The following SAMSN1 variants were observed in gnomAD, a reference collection of about 807,000 sequenced individuals.
SAMSN1 encodes the protein SAM domain-containing protein SAMSN-1.
A neutral mutation model predicts 42.0 loss-of-function variants in SAMSN1; 31 were observed. The observed-to-expected ratio is 0.74, with a 90% CI of 0.55 to 1.00. The LOEUF is 1.00. Ranked by LOEUF, SAMSN1 falls within the 50% of genes least tolerant of loss-of-function variation. SAMSN1 has a pLI of 0.00. For synonymous variants in SAMSN1, 178 were observed against 151.9 expected, an observed-to-expected ratio of 1.17 and a Z score of -1.26; for missense variants, 464 against 439.4, an observed-to-expected ratio of 1.06 and a Z score of -0.50.
At chr21:14,513,867 A>G (rs1301844852) in intron 3 of SAMSN1, among the ~76,000 whole-genome samples, 1 of 152,176 alleles carries the variant, frequency 6.6e-6, no homozygotes, top group Non-Finnish European at 1.5e-5. Flanking sequence ...TAGTGTGAGA[A>G]AGGAGAATAT....
At chr21:14,503,455 G>A (rs1987263583) in intron 5 of SAMSN1, among the ~76,000 whole-genome samples, 1 of 152,146 alleles carries the variant, frequency 6.6e-6, no homozygotes, top group South Asian at 2.1e-4. Flanking sequence ...CCTCAGGTGA[G>A]ATCACAGCTT....
rs376366569 is a variant in SAMSN1 at position 14,486,270 on chromosome 21, CAA to C, written c.920-158_920-157del. Among the ~76,000 whole-genome samples, 26 of 152,232 alleles carry C rather than the reference CAA, an allele frequency of 1.7e-4. No homozygotes were observed. The East Asian group carries it at 3.9e-3, about 23-fold the overall frequency. ...AAGTAAAAGGTATCTTTGTTTATTA[CAA>C]AAGAGATATTTGCACCCAAATATTC... is the stretch of plus-strand genomic sequence containing the variant. On this transcript the variant is annotated intron_variant, in intron 7 of 7. Transcript: ENST00000400566.
rs1411402942 is a variant in SAMSN1 at position 14,485,280 on chromosome 21, TAAAATATTTACACTTAAAGAC to T, written c.*611_*631del. ...ATTAACATTAGGGTATGTCAAATTT[TAAAATATTTACACTTAAAGAC>T]AAAACATTTCCACAATTATTACAAT... On this transcript the variant is annotated 3_prime_UTR_variant, in exon 8 of 8. Transcript: ENST00000400566. 1 of 152,258 alleles carries T rather than the reference TAAAATATTTACACTTAAAGAC, an allele frequency of 6.6e-6. No individual in the cohort carries two copies. Among genetic ancestry groups the T allele is most frequent in the African/African-American group, 2.4e-5 (1 of 41,462 alleles). 9.4% of individuals were successfully genotyped at this position (152,258 alleles called of 1,614,324 possible). A position where few individuals can be genotyped will look rare whatever the true frequency, so the allele number is the denominator to read the frequency against.
At chr21:14,595,345 C>T (rs1982227466) in intron 6 of SAMSN1, among the ~76,000 whole-genome samples, 2 of 152,194 alleles carry the variant, frequency 1.3e-5, no homozygotes, top group South Asian at 4.1e-4. Context: ...TGCCTTGCTC[C>T]CTTTTTGAAG....
At position 14,543,905 on chromosome 21, in the gene SAMSN1, C is replaced by T. The variant is rs139425807; in HGVS notation, c.57+2300G>A. ...GTTAATCAGTGAAGACAGTGATTCC[C>T]TATATTTCAGACCAATTTCTTGATG... On this transcript the variant is annotated intron_variant, in intron 1 of 7. Transcript: ENST00000400566. Among the ~76,000 whole-genome samples, 460 of 152,298 alleles carry T rather than the reference C, an allele frequency of 3.0e-3. 2 individuals carry two copies. Among genetic ancestry groups the T allele is most frequent in the African/African-American group, 9.7e-3 (404 of 41,578 alleles).
At chr21:14,592,154 T>C (rs192642582) in intron 7 of SAMSN1, 2 of 152,328 alleles carry the variant, frequency 1.3e-5, no homozygotes, top group African/African-American at 4.8e-5. Context: ...ACTTCCTGCG[T>C]AATATCCTCT....
At chr21:14,654,705 C>T in intron 1 of SAMSN1, among the ~76,000 whole-genome samples, 1 of 151,932 alleles carries the variant, frequency 6.6e-6, no homozygotes, top group Admixed American at 6.6e-5. Context: ...ACCAATAGTT[C>T]AGTGTCTAGA....
chr21:14,622,677 C>T (rs1317738954), intron 2 of SAMSN1, among the ~76,000 whole-genome samples: 1 of 152,124 alleles, frequency 6.6e-6, no homozygotes, highest in Non-Finnish European at 1.5e-5. Context: ...GAGAATGGAA[C>T]CAAGTTGGAA....
chr21:14,628,416 A>G (rs1363204318), intron 2 of SAMSN1, among the ~76,000 whole-genome samples: 1 of 152,180 alleles, frequency 6.6e-6, no homozygotes, highest in African/African-American at 2.4e-5. Flanking sequence ...TGTCAACTAA[A>G]ATATGAAATA....
chr21:14,496,012 A>G (rs1291844512), intron 7 of SAMSN1: 1 of 152,190 alleles, frequency 6.6e-6, no homozygotes, highest in African/African-American at 2.4e-5. Context: ...GAAAAAATTA[A>G]GGGGACTCAA....
chr21:14,588,690 C>T (rs564371984), intron 7 of SAMSN1, among the ~76,000 whole-genome samples: 1 of 152,336 alleles, frequency 6.6e-6, no homozygotes, highest in East Asian at 1.9e-4. Context: ...CATTCCATAA[C>T]TAAGAGTTTC....
At chr21:14,647,305 A>G (rs200339293) in intron 1 of SAMSN1, among the ~76,000 whole-genome samples, 13 of 151,586 alleles carry the variant, frequency 8.6e-5, no homozygotes, top group Admixed American at 5.3e-4. Flanking sequence ...TAGATATGCG[A>G]CATTATTTCT....
At chr21:14,539,668 T>A (rs1200684133) in intron 1 of SAMSN1, among the ~76,000 whole-genome samples, 1 of 151,946 alleles carries the variant, frequency 6.6e-6, no homozygotes. Context: ...GGAAGAACAT[T>A]CCATGCTCAT....
intron 6 of SAMSN1, among the ~76,000 whole-genome samples, chr21:14,598,926 C>T (rs1982351221): frequency 1.3e-5 from 2 of 152,106 alleles, no homozygotes; most frequent in Non-Finnish European, 1.5e-5. Flanking sequence ...TCTATTTATA[C>T]ATAGTTTTAA....
At chr21:14,551,720 A>G (rs1394520128) in intron 2 of SAMSN1, among the ~76,000 whole-genome samples, 1 of 152,096 alleles carries the variant, frequency 6.6e-6, no homozygotes, top group African/African-American at 2.4e-5. Context: ...TGTTTATTAC[A>G]TAACAGAAAT....
chr21:14,649,720 AGATCATAC>A (rs1983794969), intron 1 of SAMSN1, among the ~76,000 whole-genome samples: 1 of 151,794 alleles, frequency 6.6e-6, no homozygotes, highest in Non-Finnish European at 1.5e-5. Flanking sequence ...CAGTGAGCCA[AGATCATAC>A]CACTGCACTC....
At chr21:14,546,098 G>A (rs1980372141) in intron 1 of SAMSN1, 107 bp downstream of exon 1, 1 of 975,908 alleles carries the variant, frequency 1.0e-6, no homozygotes, top group Non-Finnish European at 1.5e-6. Context: ...CCCTATGTTT[G>A]ACTTATGACT....
At chr21:14,635,762 C>A (rs1236928273) in intron 2 of SAMSN1, among the ~76,000 whole-genome samples, 2 of 125,168 alleles carry the variant, frequency 1.6e-5, no homozygotes, top group African/African-American at 5.6e-5. Context: ...ATGCACCATG[C>A]CAGGTGCTTA....
chr21:14,580,195 A>G (rs1191152741), intron 2 of SAMSN1, among the ~76,000 whole-genome samples: 1 of 152,244 alleles, frequency 6.6e-6, no homozygotes, highest in Non-Finnish European at 1.5e-5. Flanking sequence ...ACTGTCACAA[A>G]GATAGAGGGA....
Sources: allele counts gnomAD v4.1 joint callset (sites outside exome capture counted in the v4.1 genomes callset), GRCh38; gene constraint gnomAD v4.1.1; transcripts MANE v1.5; gene names NCBI Gene and HGNC (gene_info 2026-07-23, HGNC 2026-07-21).